EYS: variants seen among roughly 807,000 people sequenced by gnomAD.
The protein encoded by EYS is protein eyes shut homolog.
In EYS, 250 loss-of-function variants were observed where a neutral mutation model predicts 282.1. That is an observed-to-expected ratio of 0.89 (90% confidence interval 0.80 to 0.98). The LOEUF is 0.98. Among genes scored for constraint, EYS ranks in the 50% least tolerant of loss-of-function variants. The pLI is 0.00. For synonymous variants in EYS, 1,355 were observed against 1,282.9 expected (o/e 1.06, Z -1.20); for missense variants, 4,016 against 3,709.0 (o/e 1.08, Z -2.15).
chr6:65,340,637 C>T lies in EYS; in HGVS notation c.1599+3401G>A, dbSNP rs567824537. On this transcript the variant is annotated intron_variant, in intron 10 of 42. Transcript: ENST00000503581. ...GAAGCTTTCCTTCATAAACTCTAAC[C>T]AATCCCCACTAAATACCCTCTACAA... is the stretch of plus-strand genomic sequence containing the variant. 1.1e-4 allele frequency among the ~76,000 whole-genome samples: 17 copies of T among 151,194 alleles called. No homozygotes were observed. The South Asian group carries it at 3.5e-3, about 31-fold the overall frequency.
intron 13 of EYS, among the ~76,000 whole-genome samples, chr6:65,041,912 C>T (rs535071567): frequency 1.3e-5 from 2 of 151,780 alleles, no homozygotes; most frequent in South Asian, 2.1e-4. Context: ...AAAATAGTCT[C>T]AATGGCACAA....
At chr6:65,555,431 AT>A (rs1479477815) in intron 2 of EYS, among the ~76,000 whole-genome samples, 3 of 151,802 alleles carry the variant, frequency 2.0e-5, no homozygotes, top group Non-Finnish European at 4.4e-5. Context: ...CCTTTACTTT[AT>A]TTTTTCACTA....
At chr6:63,952,994 G>C (rs935806057) in intron 35 of EYS, among the ~76,000 whole-genome samples, 2 of 152,220 alleles carry the variant, frequency 1.3e-5, no homozygotes, top group Non-Finnish European at 2.9e-5. Context: ...AACTGGACAA[G>C]TCTTACAGGT....
intron 35 of EYS, among the ~76,000 whole-genome samples, chr6:63,956,712 T>C (rs1765840443): frequency 6.6e-6 from 1 of 152,206 alleles, no homozygotes; most frequent in South Asian, 2.1e-4. Flanking sequence ...TCATCTTCCA[T>C]AGCCTCCTTA....
chr6:64,561,505 G>A (rs1282526143), intron 26 of EYS, among the ~76,000 whole-genome samples: 2 of 151,872 alleles, frequency 1.3e-5, no homozygotes, highest in Non-Finnish European at 2.9e-5. Flanking sequence ...ATGTACAAAA[G>A]TCATTAGCAT....
chr6:64,833,157 T>A lies in EYS; in HGVS notation c.2993-10335A>T, dbSNP rs757272459. ...TTGTACTTCAATACCACAATACTAT[T>A]TCACTTATATGTACATCACAATCTT... On this transcript the variant is annotated intron_variant, in intron 19 of 42. Coordinates refer to ENST00000503581, the MANE Select transcript of EYS (RefSeq NM_001142800.2). Among the ~76,000 whole-genome samples, 16 of 151,956 alleles carry A rather than the reference T, an allele frequency of 1.1e-4. 1 individual carries two copies. The highest frequency in any genetic ancestry group is 8.8e-5 in the Non-Finnish European group (6 of 67,938).
chr6:64,466,207 A>T (rs1344932070), intron 26 of EYS, among the ~76,000 whole-genome samples: 1 of 152,090 alleles, frequency 6.6e-6, no homozygotes, highest in East Asian at 1.9e-4. Flanking sequence ...TCAAGAAAAT[A>T]AAAAATAGCA....
At chr6:64,949,909 T>C (rs867273718) in intron 14 of EYS, among the ~76,000 whole-genome samples, 3 of 152,042 alleles carry the variant, frequency 2.0e-5, no homozygotes, top group Non-Finnish European at 4.4e-5. Context: ...ATTCTTAGCC[T>C]AGCGACAAAT....
intron 1 of EYS, among the ~76,000 whole-genome samples, chr6:65,670,456 T>G (rs1768356874): frequency 6.6e-6 from 1 of 152,016 alleles, no homozygotes; most frequent in African/African-American, 2.4e-5. Flanking sequence ...CATTGAAATA[T>G]CATATTAAAC....
chr6:64,331,832 A>G (rs1047759624), intron 29 of EYS, among the ~76,000 whole-genome samples: 4 of 152,194 alleles, frequency 2.6e-5, no homozygotes, highest in African/African-American at 9.6e-5. Context: ...GACTTTACCA[A>G]GCTGCCTCAA....
chr6:65,656,802 T>A (rs577514895), intron 1 of EYS, among the ~76,000 whole-genome samples: 7 of 151,954 alleles, frequency 4.6e-5, no homozygotes, highest in African/African-American at 1.7e-4. Context: ...GAACAATGGA[T>A]TTTCAATGGA....
At chr6:64,431,448 C>A (rs1774572560) in intron 28 of EYS, among the ~76,000 whole-genome samples, 1 of 152,038 alleles carries the variant, frequency 6.6e-6, no homozygotes, top group Admixed American at 6.6e-5. Flanking sequence ...CCAATTTAAT[C>A]CATAAAAGAG....
intron 22 of EYS, among the ~76,000 whole-genome samples, chr6:64,709,552 C>A (rs1479976380): frequency 6.6e-6 from 1 of 152,094 alleles, no homozygotes; most frequent in East Asian, 1.9e-4. Flanking sequence ...GCTAAGTATA[C>A]CCCTGTTAGG....
intron 22 of EYS, among the ~76,000 whole-genome samples, chr6:64,663,438 A>C (rs1430095429): frequency 6.6e-6 from 1 of 152,168 alleles, no homozygotes; most frequent in African/African-American, 2.4e-5. Context: ...TGTTTGAAAA[A>C]ATAATCCCCA....
chr6:65,204,915 A>T, intron 12 of EYS, among the ~76,000 whole-genome samples: 1 of 122,732 alleles, frequency 8.1e-6, no homozygotes, highest in Middle Eastern at 4.8e-3. Flanking sequence ...GTATTTATAT[A>T]TTCTTTATAT....
At chr6:64,856,455 C>A (rs1766063731) in intron 19 of EYS, among the ~76,000 whole-genome samples, 1 of 152,002 alleles carries the variant, frequency 6.6e-6, no homozygotes, top group Non-Finnish European at 1.5e-5. Flanking sequence ...CGCTTGCCAC[C>A]ATGCCTGGGT....
chr6:64,174,487 A>T (rs1400879878), intron 31 of EYS, among the ~76,000 whole-genome samples: 1 of 151,832 alleles, frequency 6.6e-6, no homozygotes, highest in Non-Finnish European at 1.5e-5. Context: ...CTTTATTAAC[A>T]TTTTAAATCT....
intron 11 of EYS, among the ~76,000 whole-genome samples, chr6:65,313,080 C>T (rs774657278): frequency 6.6e-6 from 1 of 152,132 alleles, no homozygotes; most frequent in South Asian, 2.1e-4. Flanking sequence ...CCTCACACCT[C>T]TTAAAGAGCA....
chr6:65,379,079 G>GA (rs1009240200), intron 8 of EYS, among the ~76,000 whole-genome samples: 10 of 150,410 alleles, frequency 6.6e-5, no homozygotes, highest in Non-Finnish European at 1.2e-4. Flanking sequence ...AAATAAAACA[G>GA]AAAAAAAAGA....
Sources: gnomAD v4.1 joint callset for allele counts (sites outside exome capture counted in the v4.1 genomes callset) on GRCh38, gnomAD v4.1.1 for gene constraint, MANE v1.5 for transcripts, NCBI Gene and HGNC (gene_info 2026-07-23, HGNC 2026-07-21) for gene names.